Variants in ALKBH5 observed in about 807,000 individuals in gnomAD.
The protein encoded by ALKBH5 is alkB homolog 5, RNA demethylase.
In ALKBH5, 2 loss-of-function variants were observed where a neutral mutation model predicts 32.1. The ratio of observed to expected loss-of-function variants is 0.06; its 90% CI spans 0.03 to 0.20. The LOEUF (loss-of-function observed/expected upper bound fraction) is 0.20. Ranked by LOEUF, ALKBH5 falls within the 10% of genes least tolerant of loss-of-function variation. The pLI is 1.00. For missense variants in ALKBH5, 352 were observed against 559.5 expected (o/e 0.63, Z 3.74); for synonymous variants, 300 against 231.7 (o/e 1.29, Z -2.68).
In ALKBH5 at chr17:18,201,794, A is replaced by AGATAGATAGGATAGATAAGAT. The variant is rs1491101824; in HGVS notation, c.852-5021_852-5020insGATAGATAGGATAGATAAGAT. On this transcript the variant is annotated intron_variant, in intron 2 of 3. Transcript: ENST00000399138. ...AGATAGATAGATAGATAGGATAGAT[A>AGATAGATAGGATAGATAAGAT]AGATAGATAGATAGATAGATAGATA... Among the ~76,000 whole-genome samples the AGATAGATAGGATAGATAAGAT allele has an allele frequency of 3.0e-5, 4 of 134,514 alleles. No individual in the cohort carries two copies. In the East Asian group the frequency reaches 7.2e-4, roughly 24 times the overall value. The allele number at this position is 134,514 out of a possible 152,430, so 88.2% of individuals were successfully genotyped here.
chr17:18,185,178 C>T (rs1299394359), intron 1 of ALKBH5, among the ~76,000 whole-genome samples, 165 bp downstream of exon 1: 4 of 152,138 alleles, frequency 2.6e-5, no homozygotes, highest in Non-Finnish European at 4.4e-5. Flanking sequence ...TTTAAGATAC[C>T]TATAGCAAGA....
In ALKBH5 at chr17:18,208,441, G is replaced by T. The variant is rs778655519; in HGVS notation, c.*45G>T. 1 of 1,599,694 alleles carries T rather than the reference G, an allele frequency of 6.3e-7. No individual in the cohort carries two copies. The highest frequency in any genetic ancestry group is 1.1e-5 in the South Asian group (1 of 88,740). On this transcript the variant is annotated 3_prime_UTR_variant, in exon 4 of 4. Transcript: ENST00000399138. ...GGGAACTCTGGCTCATCCTTACGTA[G>T]TTGCCCCTCCTTTTGTTTTGAGGGT...
chr17:18,203,047 T>C (rs1567677060), intron 2 of ALKBH5, among the ~76,000 whole-genome samples: 2 of 145,314 alleles, frequency 1.4e-5, no homozygotes, highest in South Asian at 4.3e-4. Flanking sequence ...CACTCCAGCC[T>C]GGAGACAGAG....
chr17:18,202,257 G>A (rs551181908), intron 2 of ALKBH5, among the ~76,000 whole-genome samples: 5 of 152,068 alleles, frequency 3.3e-5, no homozygotes, highest in South Asian at 2.1e-4. Flanking sequence ...GCAGTGAGCC[G>A]AGATCGCACC....
intron 1 of ALKBH5, among the ~76,000 whole-genome samples, chr17:18,190,443 G>A (rs11869205): frequency 0.36 from 53,040 of 149,082 alleles, 9,781 homozygotes; most frequent in Non-Finnish European, 0.42. Context: ...CCAGCTACTC[G>A]GGAGGCTGAG....
intron 2 of ALKBH5, among the ~76,000 whole-genome samples, chr17:18,203,071 T>TA (rs771396075): frequency 0.24 from 32,568 of 133,324 alleles, 3,972 homozygotes; most frequent in South Asian, 0.41. Context: ...GATTGTCTTT[T>TA]AAAAAAAAAA....
At chr17:18,189,895 C>T (rs2047163520) in intron 1 of ALKBH5, among the ~76,000 whole-genome samples, 1 of 152,186 alleles carries the variant, frequency 6.6e-6, no homozygotes, top group Non-Finnish European at 1.5e-5. Flanking sequence ...CCTCTGGATT[C>T]AGAAAGCCCC....
intron 2 of ALKBH5, among the ~76,000 whole-genome samples, chr17:18,205,863 C>CTA (rs1007168060): frequency 6.6e-6 from 1 of 152,324 alleles, no homozygotes; most frequent in Non-Finnish European, 1.5e-5. Context: ...AACTAAGTTA[C>CTA]TACTTTGTGT....
chr17:18,196,882 CATTT>C (rs1369559694), intron 2 of ALKBH5, among the ~76,000 whole-genome samples: 20 of 152,218 alleles, frequency 1.3e-4, no homozygotes, highest in Middle Eastern at 3.4e-3. Flanking sequence ...TTTATTCAAT[CATTT>C]ATTTATATAA....
In ALKBH5 at chr17:18,196,122, A is replaced by G. The variant is rs543232022; in HGVS notation, c.851+1087A>G. ...TTCCTAATGTCCTTTTTCTGTCCCA[A>G]GATCATCCTACGTTACATTTAGTTG... On this transcript the variant is annotated intron_variant, in intron 2 of 3. Transcript: ENST00000399138. Among the ~76,000 whole-genome samples, 151 of 152,004 alleles carry G rather than the reference A, an allele frequency of 9.9e-4. 1 individual carries two copies. The highest frequency in any genetic ancestry group is 1.9e-3 in the Non-Finnish European group (128 of 68,006).
intron 2 of ALKBH5, among the ~76,000 whole-genome samples, chr17:18,203,094 G>T (rs962106320): frequency 4.1e-5 from 6 of 146,264 alleles, no homozygotes; most frequent in African/African-American, 1.5e-4. Context: ...AAAAAAAAGA[G>T]TTTAAATAGG....
chr17:18,207,866 AAG>A (rs1299619515), intron 3 of ALKBH5, among the ~76,000 whole-genome samples: 4 of 152,096 alleles, frequency 2.6e-5, no homozygotes, highest in Admixed American at 1.3e-4. Context: ...TGGGAGGCCC[AAG>A]AGAGAGAAAG....
rs1204724192 is a variant in ALKBH5 at position 18,183,946 on chromosome 17, C to T, written c.-298C>T. 7 of 595,710 alleles carry T rather than the reference C, an allele frequency of 1.2e-5. No individual in the cohort carries two copies. Among genetic ancestry groups the T allele is most frequent in the African/African-American group, 3.9e-5 (2 of 51,816 alleles). The allele number at this position is 595,710 out of a possible 1,614,324, so 36.9% of individuals were successfully genotyped here. A position where few individuals can be genotyped will look rare whatever the true frequency, so the allele number is the denominator to read the frequency against. On this transcript the variant is annotated 5_prime_UTR_variant, in exon 1 of 4. Coordinates refer to ENST00000399138, the MANE Select transcript of ALKBH5 (RefSeq NM_017758.4). ...CCGAGGGTCTGGTCGGGAGTCGGGC[C>T]GCGTCTCCGCAGCAGCCCTCCGCGG...
intron 2 of ALKBH5, among the ~76,000 whole-genome samples, chr17:18,201,785 A>AGATG (rs1486085379): frequency 0.012 from 1,318 of 107,754 alleles, 26 homozygotes; most frequent in African/African-American, 0.041. Context: ...ATAGATAGAT[A>AGATG]GGATAGATAA....
At position 18,184,977 on chromosome 17, in the gene ALKBH5, C is replaced by T. The variant is rs376470149; in HGVS notation, c.734C>T (p.Ser245Phe). The T allele has an allele frequency of 1.2e-5, 19 of 1,612,742 alleles. No homozygotes were observed. The highest frequency in any genetic ancestry group is 2.7e-5 in the African/African-American group (2 of 74,920). ...KPIRVSEPVL[S>F]LPVRRGSVTV... ...ATTCGGGTGTCGGAACCAGTGCTTT[C>T]CCTGCCGGTGCGCAGGGGAAGCGTG... Residue 245 changes from serine (S) to phenylalanine (F), a missense_variant, in exon 1 of 4, where the codon TCC becomes TTC. Coordinates refer to ENST00000399138, the MANE Select transcript of ALKBH5 (RefSeq NM_017758.4).
chr17:18,188,997 G>A (rs555654078), intron 1 of ALKBH5, among the ~76,000 whole-genome samples: 2 of 152,244 alleles, frequency 1.3e-5, no homozygotes, highest in African/African-American at 4.8e-5. Context: ...AACCCGGGAG[G>A]CGGAGGTTGC....
chr17:18,184,255 C>T lies in ALKBH5; in HGVS notation c.12C>T (p.Ala4=). 6.6e-7 allele frequency: 1 copy of T among 1,518,030 alleles called. No individual in the cohort carries two copies. Among genetic ancestry groups the T allele is most frequent in the South Asian group, 1.2e-5 (1 of 81,460 alleles). 94.0% of individuals were successfully genotyped at this position (1,518,030 alleles called of 1,614,324 possible). ...GCGTCGTGGGGGCCATGGCGGCCGC[C>T]AGCGGCTACACGGACCTGCGTGAGA... is the stretch of plus-strand genomic sequence containing the variant. The part of the protein sequence containing the change: MAA[A]SGYTDLREKL... The change falls in exon 1 of 4, where the codon GCC becomes GCT. Residue 4 remains alanine (A), a synonymous_variant. Transcript: ENST00000399138.
chr17:18,204,220 G>A (rs1429581949), intron 2 of ALKBH5, among the ~76,000 whole-genome samples: 1 of 152,186 alleles, frequency 6.6e-6, no homozygotes, highest in African/African-American at 2.4e-5. Context: ...GGGAAGCCAG[G>A]ACGGGCAGAT....
intron 1 of ALKBH5, among the ~76,000 whole-genome samples, chr17:18,186,555 A>T (rs927332425): frequency 6.0e-5 from 9 of 150,506 alleles, no homozygotes; most frequent in African/African-American, 2.2e-4. Context: ...ATCACAAGGC[A>T]TTTTTTTTTG....
Sources: gnomAD v4.1 joint callset for allele counts (sites outside exome capture counted in the v4.1 genomes callset) on GRCh38, gnomAD v4.1.1 for gene constraint, MANE v1.5 for transcripts, NCBI Gene and HGNC (gene_info 2026-07-23, HGNC 2026-07-21) for gene names.